The following RBMS2 variants were observed in gnomAD, a reference collection of about 807,000 sequenced individuals.
RBMS2 encodes RNA binding motif single stranded interacting protein 2.
RBMS2 carries 38 observed loss-of-function variants against 58.4 expected under a neutral mutation model. That is an observed-to-expected ratio of 0.65 (90% CI 0.50 to 0.85). The LOEUF (loss-of-function observed/expected upper bound fraction) is 0.85. Among genes scored for constraint, RBMS2 ranks in the 40% least tolerant of loss-of-function variants. The probability of loss-of-function intolerance (pLI) is 0.00; values close to 1 mark genes in which losing one functional copy is unlikely to be tolerated. For synonymous variants in RBMS2, 151 were observed against 180.7 expected (o/e 0.84, Z 1.32); for missense variants, 367 against 503.7 (o/e 0.73, Z 2.60).
intron 11 of RBMS2, 63 bp downstream of exon 11, chr12:56,587,727 C>G: frequency 6.6e-7 from 1 of 1,526,440 alleles, no homozygotes; most frequent in Non-Finnish European, 8.9e-7. Flanking sequence ...GTGTAATACT[C>G]TTCAGCGTAA....
At chr12:56,573,091 C>G (rs1882564139) in intron 5 of RBMS2, 2 of 958,570 alleles carry the variant, frequency 2.1e-6, no homozygotes, top group African/African-American at 3.6e-5. Flanking sequence ...AATGACTGGA[C>G]TAAGTGAGCC....
chr12:56,556,918 T>C lies in RBMS2; in HGVS notation c.67-5499T>C, dbSNP rs112547561. 8.3e-3 allele frequency among the ~76,000 whole-genome samples: 1,263 copies of C among 152,240 alleles called. 18 individuals are homozygous for C. Among genetic ancestry groups the C allele is most frequent in the African/African-American group, 0.029 (1,217 of 41,550 alleles). On this transcript the variant is annotated intron_variant, in intron 1 of 13. Coordinates refer to ENST00000262031, the MANE Select transcript of RBMS2 (RefSeq NM_002898.4). Reference sequence around the variant, plus strand: ...CACTATGGATTCAAAGATAGGCAACTCAGACAATTTTCTGCCTTTATGGAG... The same window carrying C: ...CACTATGGATTCAAAGATAGGCAACCCAGACAATTTTCTGCCTTTATGGAG...
At chr12:56,586,740 A>G (rs928529317) in intron 9 of RBMS2, 109 bp from the exon 10 acceptor site, 25 of 849,146 alleles carry the variant, frequency 2.9e-5, no homozygotes, top group South Asian at 6.0e-5. Context: ...TAATGTTTCT[A>G]TTTTGAGTGG....
rs1467224425 is a variant in RBMS2 at position 56,521,933 on chromosome 12, C to T, written c.-91C>T. 3.1e-6 allele frequency: 1 copy of T among 323,824 alleles called. No homozygotes were observed. The highest frequency in any genetic ancestry group is 5.3e-6 in the Non-Finnish European group (1 of 187,286). The allele number at this position is 323,824 out of a possible 1,614,324, so 20.1% of individuals were successfully genotyped here. On this transcript the variant is annotated 5_prime_UTR_variant, in exon 1 of 14. Transcript: ENST00000262031. ...CCTCCCTCCCTCTCCCCCTTTCCCT[C>T]GCTCCCCTCCTCCCTCCCTCCCCGT... is the stretch of plus-strand genomic sequence containing the variant.
chr12:56,562,661 C>A, intron 2 of RBMS2, 78 bp downstream of exon 2: 1 of 1,472,956 alleles, frequency 6.8e-7, no homozygotes. Flanking sequence ...TTATGTTGTC[C>A]AGGCTAGTCT....
At chr12:56,534,917 A>G (rs1460064697) in intron 1 of RBMS2, among the ~76,000 whole-genome samples, 2 of 152,214 alleles carry the variant, frequency 1.3e-5, no homozygotes, top group Non-Finnish European at 2.9e-5. Context: ...CTGGGATTAC[A>G]GGCGTGAGAC....
chr12:56,544,754 A>ATTTTTTTTTTTTTTTTTTTTTTTTTTT, intron 1 of RBMS2, among the ~76,000 whole-genome samples: 1 of 116,076 alleles, frequency 8.6e-6, no homozygotes, highest in Non-Finnish European at 1.7e-5. Flanking sequence ...CTAATTTTTA[A>ATTTTTTTTTTTTTTTTTTTTTTTTTTT]TTTTTTTTTT....
intron 5 of RBMS2, among the ~76,000 whole-genome samples, chr12:56,575,307 C>T (rs1359678158): frequency 2.6e-5 from 4 of 151,988 alleles, no homozygotes; most frequent in Non-Finnish European, 5.9e-5. Context: ...CATGGTGGCA[C>T]GTGCCTATAG....
intron 1 of RBMS2, among the ~76,000 whole-genome samples, chr12:56,558,537 T>TTCCC (rs540140646): frequency 4.0e-4 from 57 of 143,774 alleles, no homozygotes; most frequent in Middle Eastern, 3.5e-3. Flanking sequence ...CTTTCTTTTT[T>TTCCC]TCCCTCCCTC....
intron 2 of RBMS2, among the ~76,000 whole-genome samples, chr12:56,566,395 T>C (rs1881348406): frequency 6.6e-6 from 1 of 152,110 alleles, no homozygotes; most frequent in African/African-American, 2.4e-5. Flanking sequence ...CCTCCTGGAG[T>C]GGAATGTAGA....
chr12:56,539,518 T>C (rs1875674268), intron 1 of RBMS2, among the ~76,000 whole-genome samples: 2 of 152,158 alleles, frequency 1.3e-5, no homozygotes. Flanking sequence ...ATTATTATGA[T>C]TTTATAAGTA....
At chr12:56,548,615 G>A (rs1877684997) in intron 1 of RBMS2, among the ~76,000 whole-genome samples, 1 of 152,154 alleles carries the variant, frequency 6.6e-6, no homozygotes. Flanking sequence ...CAAACGTTCA[G>A]TTATGTTATA....
chr12:56,545,542 A>G (rs769296752), intron 1 of RBMS2, among the ~76,000 whole-genome samples: 16 of 152,174 alleles, frequency 1.1e-4, no homozygotes, highest in Non-Finnish European at 2.1e-4. Context: ...TATCCCCAAA[A>G]GGAAATCCTA....
intron 1 of RBMS2, among the ~76,000 whole-genome samples, chr12:56,530,080 AT>A (rs869186973): frequency 6.6e-6 from 1 of 151,710 alleles, no homozygotes; most frequent in Non-Finnish European, 1.5e-5. Context: ...ATTAAAAAAA[AT>A]TTTTTTTATA....
At position 56,594,784 on chromosome 12, in the gene RBMS2, C is replaced by T. The variant is rs1007335718; in HGVS notation, c.*5651C>T. 2.0e-5 allele frequency: 3 copies of T among 152,272 alleles called. No individual in the cohort carries two copies. The highest frequency in any genetic ancestry group is 4.4e-5 in the Non-Finnish European group (3 of 68,064). 9.4% of individuals were successfully genotyped at this position (152,272 alleles called of 1,614,324 possible). On this transcript the variant is annotated 3_prime_UTR_variant, in exon 14 of 14. Transcript: ENST00000262031. ...CTTGTTTTGAATAAACCTTCATTCT[C>T]CAAGCAGATCCCCAAACTTCCTTGT...
chr12:56,522,170 T>A, intron 1 of RBMS2, 81 bp downstream of exon 1: 2 of 1,181,940 alleles, frequency 1.7e-6, no homozygotes, highest in Non-Finnish European at 2.5e-6. Flanking sequence ...ACATTCTTTT[T>A]AAAGAGGGGA....
chr12:56,528,942 AAGAG>A (rs1873185357), intron 1 of RBMS2, among the ~76,000 whole-genome samples: 1 of 152,060 alleles, frequency 6.6e-6, no homozygotes, highest in African/African-American at 2.4e-5. Context: ...GAAAGAAAGA[AAGAG>A]AGACATAATA....
intron 1 of RBMS2, among the ~76,000 whole-genome samples, chr12:56,561,236 G>A (rs978841290): frequency 2.0e-5 from 3 of 152,148 alleles, no homozygotes; most frequent in Non-Finnish European, 4.4e-5. Context: ...ACACATGCTT[G>A]TGTCTTTATG....
At chr12:56,546,366 ATT>A in intron 1 of RBMS2, among the ~76,000 whole-genome samples, 6 of 138,108 alleles carry the variant, frequency 4.3e-5, no homozygotes, top group African/African-American at 1.4e-4. Context: ...TGTACAATAT[ATT>A]GTACATTATA....
Sources: gnomAD v4.1 joint callset for allele counts (sites outside exome capture counted in the v4.1 genomes callset) on GRCh38, gnomAD v4.1.1 for gene constraint, MANE v1.5 for transcripts, NCBI Gene and HGNC (gene_info 2026-07-23, HGNC 2026-07-21) for gene names.